PAPOLG: variants seen among roughly 807,000 people sequenced by gnomAD.
PAPOLG encodes PAP-gamma.
PAPOLG carries 40 observed loss-of-function variants against 99.0 expected under a neutral mutation model. That is an observed-to-expected ratio of 0.40 (90% CI 0.31 to 0.53). The LOEUF (loss-of-function observed/expected upper bound fraction) is 0.53, where lower values mean the gene tolerates loss of function less well. Among genes scored for constraint, PAPOLG ranks in the 20% least tolerant of loss-of-function variants. PAPOLG has a pLI of 0.41. For synonymous variants in PAPOLG, 310 were observed against 299.3 expected, an observed-to-expected ratio of 1.04 and a Z score of -0.37; for missense variants, 675 against 884.1, an observed-to-expected ratio of 0.76 and a Z score of 3.00.
chr2:60,794,257 A>G (rs1334784644), intron 19 of PAPOLG, 66 bp downstream of exon 19: 21 of 1,441,320 alleles, frequency 1.5e-5, no homozygotes, highest in South Asian at 6.8e-5. Flanking sequence ...TAAAGAAACA[A>G]TTTTCCATAG....
rs1671744622 is a variant in PAPOLG at position 60,797,411 on chromosome 2, CT to C, written c.*254del. ...CAAATTGCCATCTACAGTATTACAGCTTTGCATTTGGGGGTTTTACTGCCTT... is the reference window on the plus strand; with the variant it reads ...CAAATTGCCATCTACAGTATTACAGCTTGCATTTGGGGGTTTTACTGCCTT... On this transcript the variant is annotated 3_prime_UTR_variant, in exon 22 of 22. Transcript: ENST00000238714. The C allele has an allele frequency of 6.6e-6, 3 of 452,170 alleles. No homozygotes were observed. The South Asian group carries it at 1.1e-4, about 17-fold the overall frequency. 28.0% of individuals were successfully genotyped at this position (452,170 alleles called of 1,614,324 possible).
intron 7 of PAPOLG, among the ~76,000 whole-genome samples, chr2:60,773,805 A>G (rs1386662186): frequency 6.6e-6 from 1 of 152,032 alleles, no homozygotes; most frequent in East Asian, 1.9e-4. Context: ...ATTCAGATTT[A>G]ACTTGAAAGC....
rs531403808 is a variant in PAPOLG at position 60,789,192 on chromosome 2, G to A, written c.1396+1572G>A. 9.5e-4 allele frequency among the ~76,000 whole-genome samples: 144 copies of A among 152,074 alleles called. 1 individual carries two copies. The highest frequency in any genetic ancestry group is 3.4e-3 in the Middle Eastern group (1 of 294). ...GGGACTGTTGTGGGGTGGGGGGAGC[G>A]GGGAGGGATAGCTTTAGGAAGTACA... On this transcript the variant is annotated intron_variant, in intron 15 of 21. Coordinates refer to ENST00000238714, the MANE Select transcript of PAPOLG (RefSeq NM_022894.4).
chr2:60,774,932 T>G, intron 7 of PAPOLG, 102 bp from the exon 8 acceptor site: 9 of 1,523,474 alleles, frequency 5.9e-6, no homozygotes, highest in Non-Finnish European at 7.9e-6. Flanking sequence ...TGTTTTATTA[T>G]CTTTCATATT....
chr2:60,788,734 G>T (rs939844140), intron 15 of PAPOLG, among the ~76,000 whole-genome samples: 1 of 152,152 alleles, frequency 6.6e-6, no homozygotes, highest in Non-Finnish European at 1.5e-5. Flanking sequence ...GCTCACAAGT[G>T]CTTGTAATCC....
chr2:60,793,831 A>C (rs1184032927), intron 18 of PAPOLG, 116 bp downstream of exon 18: 1 of 1,436,968 alleles, frequency 7.0e-7, no homozygotes, highest in African/African-American at 1.4e-5. Context: ...GGGTCACCTG[A>C]GCCTGGGAAG....
chr2:60,758,787 G>A (rs930821962), intron 1 of PAPOLG, among the ~76,000 whole-genome samples: 1 of 152,100 alleles, frequency 6.6e-6, no homozygotes, highest in South Asian at 2.1e-4. Context: ...GTAGTGGTAA[G>A]ACAGTGTTTT....
At position 60,798,008 on chromosome 2, in the gene PAPOLG, G is replaced by C. The variant is rs751483060; in HGVS notation, c.*848G>C. 6.5e-6 allele frequency: 1 copy of C among 152,682 alleles called. No homozygotes were observed. The highest frequency in any genetic ancestry group is 1.5e-5 in the Non-Finnish European group (1 of 68,030). 9.5% of individuals were successfully genotyped at this position (152,682 alleles called of 1,614,324 possible). ...TTAGTTGACTGGTATTTTTTACTGA[G>C]GAGCAACTCATTCCAGCATCAACAA... On this transcript the variant is annotated 3_prime_UTR_variant, in exon 22 of 22. Transcript: ENST00000238714.
Position 60,799,265 on chromosome 2 carries a change from T to G in PAPOLG, c.*2105T>G, listed in dbSNP as rs1671794948. ...GTAAATAGATCTTTGGAGTGACTAG[T>G]GGAGTTTTTCTTTAATAAGGAAGCA... On this transcript the variant is annotated 3_prime_UTR_variant, in exon 22 of 22. Coordinates refer to ENST00000238714, the MANE Select transcript of PAPOLG (RefSeq NM_022894.4). 1 of 152,352 alleles carries G rather than the reference T, an allele frequency of 6.6e-6. No homozygotes were observed. Among genetic ancestry groups the G allele is most frequent in the African/African-American group, 2.4e-5 (1 of 41,442 alleles). The allele number at this position is 152,352 out of a possible 1,614,324, so 9.4% of individuals were successfully genotyped here.
intron 8 of PAPOLG, among the ~76,000 whole-genome samples, chr2:60,778,242 G>T (rs1429378746): frequency 6.6e-6 from 1 of 152,130 alleles, no homozygotes; most frequent in Non-Finnish European, 1.5e-5. Context: ...AACCTTCTGG[G>T]CCCAAGCGAT....
intron 15 of PAPOLG, among the ~76,000 whole-genome samples, chr2:60,788,903 A>C (rs1422716926): frequency 6.6e-6 from 1 of 152,002 alleles, no homozygotes; most frequent in Non-Finnish European, 1.5e-5. Context: ...CTGAGGTGGG[A>C]GAATTGCTTG....
intron 9 of PAPOLG, 135 bp downstream of exon 9, chr2:60,779,910 C>A: frequency 1.3e-6 from 1 of 767,440 alleles, no homozygotes; most frequent in Non-Finnish European, 2.0e-6. Context: ...TATAAAACAT[C>A]AACTTTGAGG....
intron 7 of PAPOLG, 21 bp from the exon 8 acceptor site, chr2:60,775,013 T>G (rs1288185374): frequency 6.2e-7 from 1 of 1,611,574 alleles, no homozygotes; most frequent in East Asian, 2.2e-5. Flanking sequence ...TAGTGAAAAA[T>G]GAATGCTTTG....
intron 15 of PAPOLG, 117 bp from the exon 16 acceptor site, chr2:60,791,644 G>A: frequency 8.1e-7 from 1 of 1,228,118 alleles, no homozygotes. Context: ...TTGTGGGTGG[G>A]TGGGTGGCCG....
At chr2:60,796,928 T>A in intron 21 of PAPOLG, 134 bp from the exon 22 acceptor site, 1 of 1,077,368 alleles carries the variant, frequency 9.3e-7, no homozygotes, top group South Asian at 1.7e-5. Context: ...AAATATTCAT[T>A]GCATACTTGA....
intron 8 of PAPOLG, among the ~76,000 whole-genome samples, chr2:60,775,869 T>G (rs939512711): frequency 6.6e-6 from 1 of 152,124 alleles, no homozygotes. Flanking sequence ...GTTCAAGTGA[T>G]TCTCCTGCCT....
chr2:60,776,224 A>G (rs537473074), intron 8 of PAPOLG, among the ~76,000 whole-genome samples: 1 of 152,146 alleles, frequency 6.6e-6, no homozygotes, highest in African/African-American at 2.4e-5. Context: ...GAGCAGTCCT[A>G]CTTAGAAAGG....
At chr2:60,775,349 T>C (rs1558692716) in intron 8 of PAPOLG, among the ~76,000 whole-genome samples, 1 of 152,232 alleles carries the variant, frequency 6.6e-6, no homozygotes, top group Non-Finnish European at 1.5e-5. Flanking sequence ...ACTTTTCATC[T>C]TAGGTTCAGT....
In PAPOLG at chr2:60,768,371, G is replaced by A; in HGVS notation, c.247-99G>A. ...CCGGCCTTGGCCTCCTATAGTGCTG[G>A]GATTACAAGTGTGAGCCACCATGCC... On this transcript the variant is annotated intron_variant, in intron 3 of 21. Coordinates refer to ENST00000238714, the MANE Select transcript of PAPOLG (RefSeq NM_022894.4). The A allele has an allele frequency of 2.4e-6, 3 of 1,247,700 alleles. No individual in the cohort carries two copies. In the Admixed American group the frequency reaches 5.9e-5, roughly 25 times the overall value. 77.3% of individuals were successfully genotyped at this position (1,247,700 alleles called of 1,614,324 possible).
Sources: allele counts gnomAD v4.1 joint callset (sites outside exome capture counted in the v4.1 genomes callset), GRCh38; gene constraint gnomAD v4.1.1; transcripts MANE v1.5; gene names NCBI Gene and HGNC (gene_info 2026-07-23, HGNC 2026-07-21).